Variants in TNIK observed in about 807,000 individuals in gnomAD.
TNIK encodes TRAF2 and NCK-interacting protein kinase.
In TNIK, 49 loss-of-function variants were observed where a neutral mutation model predicts 191.3. The ratio of observed to expected loss-of-function variants is 0.26; its 90% CI spans 0.20 to 0.32. TNIK has a LOEUF of 0.32. Ranked by LOEUF, TNIK falls within the 10% of genes least tolerant of loss-of-function variation. The pLI is 1.00. For synonymous variants in TNIK, 594 were observed against 600.9 expected, an observed-to-expected ratio of 0.99 and a Z score of 0.17; for missense variants, 1,155 against 1,702.3, an observed-to-expected ratio of 0.68 and a Z score of 5.66.
At chr3:171,126,344 T>C (rs1011938977) in intron 16 of TNIK, among the ~76,000 whole-genome samples, 193 bp from the exon 17 acceptor site, 24 of 152,100 alleles carry the variant, frequency 1.6e-4, no homozygotes, top group African/African-American at 4.8e-4. Context: ...ATATGTAGGG[T>C]TGGCACAAAG....
intron 23 of TNIK, among the ~76,000 whole-genome samples, chr3:171,088,979 A>G (rs1185199026): frequency 1.3e-5 from 2 of 152,152 alleles, no homozygotes; most frequent in Non-Finnish European, 2.9e-5. Context: ...CTAGCTTTTT[A>G]CTTCTGGAGC....
intron 2 of TNIK, among the ~76,000 whole-genome samples, chr3:171,330,545 T>A (rs1756292972): frequency 6.6e-6 from 1 of 152,200 alleles, no homozygotes; most frequent in Non-Finnish European, 1.5e-5. Context: ...AGCAGAATAC[T>A]AATAACAAAA....
chr3:171,426,703 G>A (rs529295274), intron 1 of TNIK, among the ~76,000 whole-genome samples: 72 of 152,140 alleles, frequency 4.7e-4, no homozygotes, highest in African/African-American at 1.7e-3. Context: ...CTCCACTCCT[G>A]GGCACCTGTC....
At chr3:171,255,575 T>C (rs116075295) in intron 2 of TNIK, among the ~76,000 whole-genome samples, 3,451 of 152,304 alleles carry the variant, frequency 0.023, 125 homozygotes, top group African/African-American at 0.078. Context: ...TTATCCACTA[T>C]ACCACCTCTT....
At position 171,079,599 on chromosome 3, in the gene TNIK, G is replaced by A. The variant is rs1196520969; in HGVS notation, c.3367C>T (p.Leu1123=). ...YYLSWLRNRI[L]HNDPEVEKKQ... ...TTTTCTACTTCTGGGTCATTATGTA[G>A]TATTCTGTTTCTTAACCATGAAAGA... is the stretch of plus-strand genomic sequence containing the variant. The change falls in exon 28 of 33, where the codon CTA becomes TTA. Residue 1123 remains leucine (L), a synonymous_variant. Coordinates refer to ENST00000436636, the MANE Select transcript of TNIK (RefSeq NM_015028.4). 2 of 1,613,382 alleles carry A rather than the reference G, an allele frequency of 1.2e-6. No homozygotes were observed. Among genetic ancestry groups the A allele is most frequent in the African/African-American group, 2.7e-5 (2 of 74,920 alleles).
intron 2 of TNIK, among the ~76,000 whole-genome samples, chr3:171,248,934 A>G (rs1196535532): frequency 6.6e-6 from 1 of 152,230 alleles, no homozygotes; most frequent in African/African-American, 2.4e-5. Context: ...GCCTTTGAAT[A>G]AGAAATAATA....
chr3:171,354,186 G>A (rs1431873984), intron 2 of TNIK, among the ~76,000 whole-genome samples: 1 of 152,106 alleles, frequency 6.6e-6, no homozygotes, highest in East Asian at 1.9e-4. Context: ...CCTTTGTATA[G>A]CTATCCTTGT....
At chr3:171,288,643 C>T (rs563606033) in intron 2 of TNIK, among the ~76,000 whole-genome samples, 1 of 152,078 alleles carries the variant, frequency 6.6e-6, no homozygotes, top group South Asian at 2.1e-4. Context: ...CCCGTCTCTA[C>T]TAAAAATACA....
chr3:171,346,992 G>T, intron 2 of TNIK: 1 of 692,430 alleles, frequency 1.4e-6, no homozygotes, highest in South Asian at 2.4e-5. Context: ...TGTAGGGGCT[G>T]CAAGGATAAC....
intron 27 of TNIK, among the ~76,000 whole-genome samples, chr3:171,080,827 G>A (rs553643835): frequency 6.6e-6 from 1 of 152,344 alleles, no homozygotes; most frequent in East Asian, 1.9e-4. Context: ...TGTGTGGTCA[G>A]TATTCAATTT....
chr3:171,082,667 T>A, intron 26 of TNIK: 1 of 340,802 alleles, frequency 2.9e-6, no homozygotes, highest in East Asian at 5.3e-5. Flanking sequence ...AATAGGAGCC[T>A]TAGGCACAGA....
chr3:171,114,417 T>C (rs981093406), intron 18 of TNIK, among the ~76,000 whole-genome samples: 5 of 152,238 alleles, frequency 3.3e-5, no homozygotes, highest in Non-Finnish European at 7.3e-5. Context: ...GACCCCTTCC[T>C]TTGAGATACT....
At chr3:171,115,923 CAG>C (rs1160395388) in intron 18 of TNIK, among the ~76,000 whole-genome samples, 1 of 152,174 alleles carries the variant, frequency 6.6e-6, no homozygotes, top group Non-Finnish European at 1.5e-5. Context: ...TGACTGGGCT[CAG>C]AGTCTCATCC....
chr3:171,139,584 G>T, intron 13 of TNIK, 28 bp from the exon 14 acceptor site: 1 of 1,609,130 alleles, frequency 6.2e-7, no homozygotes, highest in Non-Finnish European at 8.5e-7. Context: ...AGAGAATTCA[G>T]AGGAACAGAA....
chr3:171,355,524 G>T (rs534269976), intron 2 of TNIK, among the ~76,000 whole-genome samples: 1 of 152,190 alleles, frequency 6.6e-6, no homozygotes, highest in Non-Finnish European at 1.5e-5. Flanking sequence ...CTTTTGAAGA[G>T]AATATAAAAT....
chr3:171,333,385 G>A (rs751475223), intron 2 of TNIK, among the ~76,000 whole-genome samples: 13 of 151,656 alleles, frequency 8.6e-5, no homozygotes, highest in Admixed American at 2.6e-4. Context: ...ATGAAACCCC[G>A]TCTCTACTAA....
chr3:171,412,388 C>T (rs1032025802), intron 1 of TNIK, among the ~76,000 whole-genome samples: 1 of 152,166 alleles, frequency 6.6e-6, no homozygotes, highest in Non-Finnish European at 1.5e-5. Context: ...AATGAATTTT[C>T]AAAGATGTTC....
rs566592130 is a variant in TNIK at position 171,308,708 on chromosome 3, C to CA, written c.123+60911dup. ...TCCATAGGGAGCTTAATTGAACAAG[C>CA]AAAAAACAAACACCACCACTTAAAA... On this transcript the variant is annotated intron_variant, in intron 2 of 32. Coordinates refer to ENST00000436636, the MANE Select transcript of TNIK (RefSeq NM_015028.4). 1.6e-3 allele frequency among the ~76,000 whole-genome samples: 243 copies of CA among 151,972 alleles called. 1 individual carries two copies. The highest frequency in any genetic ancestry group is 5.7e-3 in the African/African-American group (236 of 41,500).
intron 7 of TNIK, among the ~76,000 whole-genome samples, chr3:171,182,830 A>C (rs113707013): frequency 6.6e-6 from 1 of 152,214 alleles, no homozygotes; most frequent in East Asian, 1.9e-4. Flanking sequence ...CCCAATGTGC[A>C]CCATGAGGTA....
Sources: gnomAD v4.1 joint callset for allele counts (sites outside exome capture counted in the v4.1 genomes callset) on GRCh38, gnomAD v4.1.1 for gene constraint, MANE v1.5 for transcripts, NCBI Gene and HGNC (gene_info 2026-07-23, HGNC 2026-07-21) for gene names.